The following RNF152 variants were observed in gnomAD, a reference collection of about 807,000 sequenced individuals.
The protein encoded by RNF152 is E3 ubiquitin-protein ligase RNF152.
In RNF152, 11 loss-of-function variants were observed where a neutral mutation model predicts 12.7. That is an observed-to-expected ratio of 0.86 (90% CI 0.54 to 1.43). RNF152 has a LOEUF of 1.43. Ranked by LOEUF, RNF152 falls within the 40% of genes most tolerant of loss-of-function variation. RNF152 has a pLI of 0.00. For missense variants in RNF152, 255 were observed against 274.8 expected, an observed-to-expected ratio of 0.93 and a Z score of 0.51; for synonymous variants, 113 against 120.3, an observed-to-expected ratio of 0.94 and a Z score of 0.40.
At chr18:61,863,892 G>A (rs1463401964) in intron 1 of RNF152, among the ~76,000 whole-genome samples, 1 of 152,228 alleles carries the variant, frequency 6.6e-6, no homozygotes, top group Non-Finnish European at 1.5e-5. Context: ...GAACAGCACT[G>A]ATGATAAGGA....
intron 1 of RNF152, among the ~76,000 whole-genome samples, chr18:61,872,664 T>G (rs1912043137): frequency 6.6e-6 from 1 of 152,160 alleles, no homozygotes; most frequent in African/African-American, 2.4e-5. Context: ...TGGACTTCCC[T>G]CAAAATAACC....
intron 1 of RNF152, among the ~76,000 whole-genome samples, chr18:61,884,711 C>G (rs1314811245): frequency 2.0e-5 from 3 of 152,188 alleles, no homozygotes; most frequent in Admixed American, 1.3e-4. Context: ...AGGTGCCCAC[C>G]ACCATGCCTG....
intron 1 of RNF152, among the ~76,000 whole-genome samples, chr18:61,833,513 C>T (rs987616255): frequency 1.3e-5 from 2 of 152,146 alleles, no homozygotes; most frequent in Non-Finnish European, 2.9e-5. Flanking sequence ...AACTCCTCTG[C>T]GTTTCCCTCT....
intron 1 of RNF152, among the ~76,000 whole-genome samples, chr18:61,885,201 T>C (rs1263025746): frequency 6.6e-6 from 1 of 152,136 alleles, no homozygotes; most frequent in African/African-American, 2.4e-5. Flanking sequence ...GAGGAAGCAA[T>C]TTGCAAACCT....
At chr18:61,879,020 T>G (rs71352552) in intron 1 of RNF152, among the ~76,000 whole-genome samples, 19,634 of 152,188 alleles carry the variant, frequency 0.13, 1,490 homozygotes, top group African/African-American at 0.2. Flanking sequence ...AAAGTAAGTC[T>G]GCCTGAGGGA....
In RNF152 at chr18:61,848,702, G is replaced by A. The variant is rs1006904829; in HGVS notation, c.-135-32104C>T. Among the ~76,000 whole-genome samples, 3 of 152,240 alleles carry A rather than the reference G, an allele frequency of 2.0e-5. No individual in the cohort carries two copies. In the East Asian group the frequency reaches 5.8e-4, roughly 29 times the overall value. On this transcript the variant is annotated intron_variant, in intron 1 of 1. Transcript: ENST00000312828. ...TCAGGGTGGAGGGGGCAAGACAGCA[G>A]CTGTCACCAGAAGCAGTGAAAGTTT...
chr18:61,829,504 G>T (rs4076952), intron 1 of RNF152, among the ~76,000 whole-genome samples: 25,250 of 150,054 alleles, frequency 0.17, 2,178 homozygotes, highest in African/African-American at 0.18. Context: ...GGGAGAGAGA[G>T]ATATATATAT....
intron 1 of RNF152, among the ~76,000 whole-genome samples, chr18:61,875,902 G>A (rs1361803208): frequency 6.6e-6 from 1 of 150,426 alleles, no homozygotes; most frequent in East Asian, 2.0e-4. Context: ...AATCCATATT[G>A]ATGACTGCCA....
chr18:61,847,776 C>T (rs984903052), intron 1 of RNF152, among the ~76,000 whole-genome samples: 2 of 152,138 alleles, frequency 1.3e-5, no homozygotes, highest in Non-Finnish European at 2.9e-5. Context: ...GCTCTACCCA[C>T]AGTCTTCCCC....
At chr18:61,887,432 C>T (rs192100294) in intron 1 of RNF152, among the ~76,000 whole-genome samples, 349 of 152,286 alleles carry the variant, frequency 2.3e-3, no homozygotes, top group Admixed American at 6.2e-3. Context: ...AAGAAGAATG[C>T]TCCTGGCTAG....
intron 1 of RNF152, among the ~76,000 whole-genome samples, chr18:61,863,995 G>T (rs1911618779): frequency 6.6e-6 from 1 of 152,174 alleles, no homozygotes; most frequent in Middle Eastern, 3.2e-3. Flanking sequence ...TGGACATCAG[G>T]AGAACCTGAC....
At chr18:61,836,776 CA>C (rs1290939847) in intron 1 of RNF152, among the ~76,000 whole-genome samples, 2 of 151,588 alleles carry the variant, frequency 1.3e-5, no homozygotes, top group African/African-American at 4.8e-5. Flanking sequence ...GGGAAACATA[CA>C]GAAAAAGAAG....
chr18:61,830,481 A>C (rs1909888040), intron 1 of RNF152, among the ~76,000 whole-genome samples: 1 of 152,072 alleles, frequency 6.6e-6, no homozygotes, highest in Admixed American at 6.6e-5. Context: ...ATTGTACACT[A>C]TTTGTCCTTC....
In RNF152 at chr18:61,814,580, T is replaced by C. The variant is rs528472964; in HGVS notation, c.*1272A>G. 117 of 152,338 alleles carry C rather than the reference T, an allele frequency of 7.7e-4. No individual in the cohort carries two copies. Among genetic ancestry groups the C allele is most frequent in the African/African-American group, 2.7e-3 (113 of 41,572 alleles). The allele number at this position is 152,338 out of a possible 1,614,324, so 9.4% of individuals were successfully genotyped here. A position where few individuals can be genotyped will look rare whatever the true frequency, so the allele number is the denominator to read the frequency against. ...AGTTTATGAGGAACTGGTCCACTTA[T>C]ATTGGGAATTTGAGCTGTTAGTTTA... is the stretch of plus-strand genomic sequence containing the variant. On this transcript the variant is annotated 3_prime_UTR_variant, in exon 2 of 2. Coordinates refer to ENST00000312828, the MANE Select transcript of RNF152 (RefSeq NM_173557.3).
At chr18:61,846,612 T>C (rs1392699892) in intron 1 of RNF152, among the ~76,000 whole-genome samples, 1 of 152,166 alleles carries the variant, frequency 6.6e-6, no homozygotes, top group Non-Finnish European at 1.5e-5. Context: ...CCTTACTAAA[T>C]ATTTGCTAGG....
chr18:61,863,760 G>A (rs908395778), intron 1 of RNF152, among the ~76,000 whole-genome samples: 2 of 152,230 alleles, frequency 1.3e-5, no homozygotes, highest in African/African-American at 4.8e-5. Context: ...ACTAATGTCC[G>A]AGGACATCTG....
intron 1 of RNF152, among the ~76,000 whole-genome samples, chr18:61,844,258 T>C (rs1469938751): frequency 6.7e-6 from 1 of 148,402 alleles, no homozygotes; most frequent in Non-Finnish European, 1.5e-5. Flanking sequence ...GCAGGCCCCA[T>C]AGTATCTAGG....
intron 1 of RNF152, among the ~76,000 whole-genome samples, chr18:61,877,252 C>T (rs1912254994): frequency 6.6e-6 from 1 of 152,194 alleles, no homozygotes; most frequent in Non-Finnish European, 1.5e-5. Context: ...CAATTGATTG[C>T]AGCAGAATAA....
At chr18:61,887,864 G>A (rs1912770434) in intron 1 of RNF152, among the ~76,000 whole-genome samples, 1 of 152,136 alleles carries the variant, frequency 6.6e-6, no homozygotes, top group Non-Finnish European at 1.5e-5. Flanking sequence ...CACTTCCTTG[G>A]TAGGTGGGAA....
Sources: gnomAD v4.1 joint callset for allele counts (sites outside exome capture counted in the v4.1 genomes callset) on GRCh38, gnomAD v4.1.1 for gene constraint, MANE v1.5 for transcripts, NCBI Gene and HGNC (gene_info 2026-07-23, HGNC 2026-07-21) for gene names.